The following ASTN2 variants were observed in gnomAD, a reference collection of about 807,000 sequenced individuals.
The protein encoded by ASTN2 is astrotactin 2.
In ASTN2, 54 loss-of-function variants were observed where a neutral mutation model predicts 139.8. The observed-to-expected ratio is 0.39, with a 90% CI of 0.31 to 0.48. The LOEUF (loss-of-function observed/expected upper bound fraction) is 0.48. Ranked by LOEUF, ASTN2 falls within the 20% of genes least tolerant of loss-of-function variation. The probability of loss-of-function intolerance (pLI) is 0.95; values close to 1 mark genes in which losing one functional copy is unlikely to be tolerated. For synonymous variants in ASTN2, 756 were observed against 719.5 expected, an observed-to-expected ratio of 1.05 and a Z score of -0.81; for missense variants, 1,565 against 1,725.1, an observed-to-expected ratio of 0.91 and a Z score of 1.64.
At chr9:116,919,364 T>C (rs539236657) in intron 10 of ASTN2, among the ~76,000 whole-genome samples, 1 of 152,310 alleles carries the variant, frequency 6.6e-6, no homozygotes, top group East Asian at 1.9e-4. Flanking sequence ...TCTCTCCAAA[T>C]GTAGAAGAGA....
chr9:117,303,784 C>T (rs1409996145), intron 1 of ASTN2, among the ~76,000 whole-genome samples: 1 of 152,234 alleles, frequency 6.6e-6, no homozygotes, highest in East Asian at 1.9e-4. Flanking sequence ...GCAGATATCC[C>T]TGTCAAGAGG....
intron 19 of ASTN2, among the ~76,000 whole-genome samples, chr9:116,498,683 C>T (rs1276662770): frequency 6.6e-6 from 1 of 151,898 alleles, no homozygotes; most frequent in Non-Finnish European, 1.5e-5. Context: ...TTATAATCTG[C>T]AAAACATGAT....
intron 1 of ASTN2, among the ~76,000 whole-genome samples, chr9:117,385,804 G>C (rs1484608070): frequency 6.6e-6 from 1 of 151,974 alleles, no homozygotes; most frequent in African/African-American, 2.4e-5. Context: ...AAAAAGGAGA[G>C]CTAAACTGAG....
chr9:117,132,385 A>C (rs959779070), intron 4 of ASTN2, among the ~76,000 whole-genome samples: 1 of 151,824 alleles, frequency 6.6e-6, no homozygotes, highest in African/African-American at 2.4e-5. Flanking sequence ...TTGTTTTATT[A>C]TGCAACAATG....
At chr9:117,407,982 C>T (rs1831045805) in intron 1 of ASTN2, among the ~76,000 whole-genome samples, 1 of 152,110 alleles carries the variant, frequency 6.6e-6, no homozygotes, top group African/African-American at 2.4e-5. Context: ...GAGCAGATTT[C>T]CTCCACCCAC....
chr9:117,048,789 A>T (rs768478025), intron 5 of ASTN2, among the ~76,000 whole-genome samples: 1 of 152,152 alleles, frequency 6.6e-6, no homozygotes, highest in Non-Finnish European at 1.5e-5. Context: ...TGACAGTCTT[A>T]AAGGTGAACT....
At chr9:117,114,187 A>AAAG (rs1829322131) in intron 4 of ASTN2, among the ~76,000 whole-genome samples, 2 of 148,784 alleles carry the variant, frequency 1.3e-5, no homozygotes, top group South Asian at 4.3e-4. Flanking sequence ...TTAAAAAAAA[A>AAAG]GTCTATGGGA....
intron 13 of ASTN2, among the ~76,000 whole-genome samples, chr9:116,793,268 A>T (rs899442261): frequency 6.6e-6 from 1 of 152,226 alleles, no homozygotes; most frequent in Non-Finnish European, 1.5e-5. Flanking sequence ...GAAAAGCCAA[A>T]AACTGGAAGC....
chr9:116,431,625 AG>A (rs1341351743), intron 22 of ASTN2, among the ~76,000 whole-genome samples: 7 of 152,216 alleles, frequency 4.6e-5, no homozygotes, highest in Non-Finnish European at 8.8e-5. Context: ...ACATTGTTGT[AG>A]CAACAAAAGA....
intron 19 of ASTN2, among the ~76,000 whole-genome samples, chr9:116,565,714 C>G (rs531259697): frequency 3.3e-5 from 5 of 151,998 alleles, no homozygotes; most frequent in African/African-American, 1.2e-4. Flanking sequence ...AACTCCTGGA[C>G]TCAAGAGATC....
chr9:116,737,617 G>A (rs1236485123), intron 13 of ASTN2, among the ~76,000 whole-genome samples: 2 of 106,062 alleles, frequency 1.9e-5, no homozygotes, highest in Non-Finnish European at 4.4e-5. Flanking sequence ...CAACGTGTGT[G>A]TGTGTGTGTG....
chr9:116,487,325 G>A, intron 20 of ASTN2, 34 bp downstream of exon 20: 1 of 1,608,298 alleles, frequency 6.2e-7, no homozygotes, highest in East Asian at 2.2e-5. Flanking sequence ...CATCCTGTCT[G>A]CCTCATGATC....
At chr9:116,896,054 T>C (rs1833871858) in intron 10 of ASTN2, among the ~76,000 whole-genome samples, 1 of 152,230 alleles carries the variant, frequency 6.6e-6, no homozygotes, top group South Asian at 2.1e-4. Flanking sequence ...TTAAGTGTCC[T>C]TGTTAAGTGC....
At chr9:117,086,227 G>A (rs1244254066) in intron 5 of ASTN2, among the ~76,000 whole-genome samples, 1 of 152,118 alleles carries the variant, frequency 6.6e-6, no homozygotes, top group Non-Finnish European at 1.5e-5. Context: ...AGGAAACTGA[G>A]GCCCAAAGCC....
At position 116,663,677 on chromosome 9, in the gene ASTN2, C is replaced by T. The variant is rs148137291; in HGVS notation, c.2807-11884G>A. On this transcript the variant is annotated intron_variant, in intron 16 of 22. Coordinates refer to ENST00000313400, the MANE Select transcript of ASTN2 (RefSeq NM_001365068.1). Reference sequence around the variant, plus strand: ...AAAGGGCTGAAACTCATAGAGATTTCCTGTCTTATATTGAGGCAATCAGTA... The same window carrying T: ...AAAGGGCTGAAACTCATAGAGATTTTCTGTCTTATATTGAGGCAATCAGTA... Among the ~76,000 whole-genome samples the T allele has an allele frequency of 1.7e-4, 26 of 152,248 alleles. No homozygotes were observed. In the East Asian group the frequency reaches 4.6e-3, roughly 27 times the overall value.
intron 16 of ASTN2, among the ~76,000 whole-genome samples, chr9:116,682,981 C>G (rs1859979637): frequency 6.6e-6 from 1 of 151,296 alleles, no homozygotes. Context: ...ACATAGGTAA[C>G]TAACCTGCAC....
intron 19 of ASTN2, among the ~76,000 whole-genome samples, chr9:116,586,839 C>CACACACACACACACAT (rs1854175926): frequency 8.0e-5 from 12 of 149,438 alleles, no homozygotes; most frequent in South Asian, 2.2e-4. Flanking sequence ...CATACACACA[C>CACACACACACACACAT]ACACACACAC....
chr9:116,537,197 G>A (rs1851674140), intron 19 of ASTN2, among the ~76,000 whole-genome samples: 1 of 152,140 alleles, frequency 6.6e-6, no homozygotes, highest in African/African-American at 2.4e-5. Context: ...TTGCTCAGTT[G>A]GAAATGCAGA....
intron 19 of ASTN2, among the ~76,000 whole-genome samples, chr9:116,565,387 CCATATATATAT>C (rs1853157838): frequency 2.4e-5 from 1 of 42,098 alleles, no homozygotes; most frequent in African/African-American, 1.1e-4. Context: ...CTCTCTCTCT[CCATATATATAT>C]ATATATATAT....
Sources: gnomAD v4.1 joint callset for allele counts (sites outside exome capture counted in the v4.1 genomes callset) on GRCh38, gnomAD v4.1.1 for gene constraint, MANE v1.5 for transcripts, NCBI Gene and HGNC (gene_info 2026-07-23, HGNC 2026-07-21) for gene names.